Variants in PAPSS2 observed in about 807,000 individuals in gnomAD.
PAPSS2 encodes 3'-phosphoadenosine 5'-phosphosulfate synthase 2.
In PAPSS2, 61 loss-of-function variants were observed where a neutral mutation model predicts 66.5. The observed-to-expected ratio is 0.92, with a 90% CI of 0.75 to 1.14. PAPSS2 has a LOEUF of 1.14. PAPSS2 is among the 50% of genes most tolerant of loss of function. The pLI is 0.00. For synonymous variants in PAPSS2, 289 were observed against 287.5 expected (o/e 1.01, Z -0.05); for missense variants, 708 against 789.6 (o/e 0.90, Z 1.24).
At chr10:87,678,590 T>TG (rs1554862249) in intron 1 of PAPSS2, among the ~76,000 whole-genome samples, 1 of 150,344 alleles carries the variant, frequency 6.7e-6, no homozygotes, top group East Asian at 2.0e-4. Context: ...CCCAGCAGCG[T>TG]AAAAAAAAAA....
At chr10:87,712,102 G>C (rs572207437) in intron 2 of PAPSS2, among the ~76,000 whole-genome samples, 1 of 152,218 alleles carries the variant, frequency 6.6e-6, no homozygotes, top group Non-Finnish European at 1.5e-5. Flanking sequence ...TGAAACCATG[G>C]TGGAAGCCAC....
intron 1 of PAPSS2, among the ~76,000 whole-genome samples, chr10:87,679,658 G>C (rs1007811707): frequency 2.0e-5 from 3 of 151,950 alleles, no homozygotes; most frequent in Admixed American, 6.6e-5. Context: ...GAAAACCTAG[G>C]GGATAATTTG....
At chr10:87,741,945 A>C in intron 10 of PAPSS2, among the ~76,000 whole-genome samples, 1 of 151,790 alleles carries the variant, frequency 6.6e-6, no homozygotes, top group Middle Eastern at 3.2e-3. Flanking sequence ...TTTTTGTAGA[A>C]ATGGGTCTCA....
intron 7 of PAPSS2, among the ~76,000 whole-genome samples, chr10:87,717,583 A>C (rs138440053): frequency 6.6e-6 from 1 of 152,240 alleles, no homozygotes; most frequent in East Asian, 1.9e-4. Flanking sequence ...ATTTTTTAGA[A>C]ATAGGGTCTT....
At chr10:87,703,770 G>C (rs1359446844) in intron 1 of PAPSS2, 1 of 518,840 alleles carries the variant, frequency 1.9e-6, no homozygotes, top group Non-Finnish European at 3.8e-6. Context: ...AGAAGGTAGA[G>C]ATTTTTGCAA....
intron 1 of PAPSS2, among the ~76,000 whole-genome samples, chr10:87,691,296 A>T: frequency 6.6e-6 from 1 of 152,208 alleles, no homozygotes; most frequent in East Asian, 1.9e-4. Context: ...ACATTCATTC[A>T]GTAAATTTTG....
chr10:87,672,916 C>G (rs2131897868), intron 1 of PAPSS2, among the ~76,000 whole-genome samples: 1 of 152,342 alleles, frequency 6.6e-6, no homozygotes, highest in African/African-American at 2.4e-5. Context: ...ATTTTAGTGT[C>G]TATAAATAAA....
At chr10:87,701,570 C>T (rs546596471) in intron 1 of PAPSS2, among the ~76,000 whole-genome samples, 8 of 151,926 alleles carry the variant, frequency 5.3e-5, no homozygotes, top group African/African-American at 1.4e-4. Context: ...ACTATAGGCA[C>T]GTGCCACCAC....
chr10:87,706,029 G>T (rs12244821), intron 1 of PAPSS2, among the ~76,000 whole-genome samples: 45,107 of 141,170 alleles, frequency 0.32, 8,611 homozygotes, highest in African/African-American at 0.53. Context: ...GCCGCGTCTG[G>T]CCAGGTTGTC....
chr10:87,681,637 A>G (rs1019650998), intron 1 of PAPSS2, among the ~76,000 whole-genome samples: 1 of 152,232 alleles, frequency 6.6e-6, no homozygotes, highest in Non-Finnish European at 1.5e-5. Context: ...AACCATGATC[A>G]CACTCTAATT....
chr10:87,745,222 AT>A lies in PAPSS2; in HGVS notation c.1713del (p.Pro572GlnfsTer15). ...GCCAAAAAAGCCATGGACTTCTATG[AT>A]CCAGCAAGGTAGGTTTTCAGAGGAA... is the stretch of plus-strand genomic sequence containing the variant. ...NKAKKAMDFY[D>X]PARHNEFDFI... is the part of the protein sequence containing the mutation. On this transcript the variant is annotated frameshift_variant, in exon 12 of 13. Coordinates refer to ENST00000456849, the MANE Select transcript of PAPSS2 (RefSeq NM_001015880.2). LOFTEE classifies it high-confidence loss of function. 1 of 1,611,560 alleles carries A rather than the reference AT, an allele frequency of 6.2e-7. No homozygotes were observed. The highest frequency in any genetic ancestry group is 1.3e-5 in the African/African-American group (1 of 75,022).
intron 1 of PAPSS2, 105 bp downstream of exon 1, chr10:87,660,113 C>T (rs1380462941): frequency 1.7e-6 from 2 of 1,199,446 alleles, no homozygotes; most frequent in East Asian, 5.0e-5. Context: ...CGGGAGGGGG[C>T]GTCGGGAGGA....
At chr10:87,712,151 T>C (rs1853469827) in intron 2 of PAPSS2, among the ~76,000 whole-genome samples, 1 of 152,190 alleles carries the variant, frequency 6.6e-6, no homozygotes, top group Non-Finnish European at 1.5e-5. Flanking sequence ...CTAGAGAATC[T>C]TTACACCTAA....
At chr10:87,678,176 C>G (rs11202502) in intron 1 of PAPSS2, among the ~76,000 whole-genome samples, 1 of 151,764 alleles carries the variant, frequency 6.6e-6, no homozygotes, top group Non-Finnish European at 1.5e-5. Flanking sequence ...ACAAAGGCGC[C>G]AAGACTATAC....
At position 87,721,775 on chromosome 10, in the gene PAPSS2, G is replaced by A; in HGVS notation, c.880+5G>A. 1 of 1,500,198 alleles carries A rather than the reference G, an allele frequency of 6.7e-7. No homozygotes were observed. The highest frequency in any genetic ancestry group is 9.0e-7 in the Non-Finnish European group (1 of 1,105,336). The allele number at this position is 1,500,198 out of a possible 1,614,324, so 92.9% of individuals were successfully genotyped here. On this transcript the variant is annotated splice_donor_5th_base_variant and intron_variant, in intron 8 of 12. Transcript: ENST00000456849. ...CCCTAGGCATGGCCCTTCCTGGTAT[G>A]TACTTTAACTTTCCAAGTAGCTAAA... is the stretch of plus-strand genomic sequence containing the variant.
At chr10:87,660,826 A>C (rs906414736) in intron 1 of PAPSS2, among the ~76,000 whole-genome samples, 9 of 146,062 alleles carry the variant, frequency 6.2e-5, no homozygotes, top group South Asian at 2.1e-4. Flanking sequence ...AAAAAAAAAA[A>C]AAAAAAAACC....
intron 9 of PAPSS2, among the ~76,000 whole-genome samples, chr10:87,732,259 G>A (rs948121156): frequency 2.6e-5 from 4 of 152,120 alleles, no homozygotes; most frequent in Non-Finnish European, 5.9e-5. Context: ...TAGGCTGGGC[G>A]CGGTGGCTCA....
chr10:87,711,072 T>C (rs1853457633), intron 2 of PAPSS2, among the ~76,000 whole-genome samples: 1 of 152,222 alleles, frequency 6.6e-6, no homozygotes, highest in Non-Finnish European at 1.5e-5. Flanking sequence ...TATTCTTATG[T>C]TACAAAGGTA....
intron 1 of PAPSS2, among the ~76,000 whole-genome samples, chr10:87,707,543 G>A (rs1253252675): frequency 1.3e-5 from 2 of 149,272 alleles, no homozygotes; most frequent in Non-Finnish European, 3.0e-5. Context: ...AAAAAGAGGT[G>A]AGTTTTCATT....
Sources: allele counts gnomAD v4.1 joint callset (sites outside exome capture counted in the v4.1 genomes callset), GRCh38; gene constraint gnomAD v4.1.1; transcripts MANE v1.5; gene names NCBI Gene and HGNC (gene_info 2026-07-23, HGNC 2026-07-21).